The following KREMEN2 variants were observed in gnomAD, a reference collection of about 807,000 sequenced individuals.
KREMEN2 encodes the protein kringle containing transmembrane protein 2.
KREMEN2 carries 43 observed loss-of-function variants against 49.8 expected under a neutral mutation model. The observed-to-expected ratio is 0.86, with a 90% CI of 0.68 to 1.11. The LOEUF is 1.11. Ranked by LOEUF, KREMEN2 falls within the 50% of genes most tolerant of loss-of-function variation. The probability of loss-of-function intolerance (pLI) is 0.00; values close to 1 mark genes in which losing one functional copy is unlikely to be tolerated. For missense variants in KREMEN2, 686 were observed against 665.7 expected (o/e 1.03, Z -0.34); for synonymous variants, 355 against 304.9 (o/e 1.16, Z -1.71).
rs1188886651 is a variant in KREMEN2 at position 2,966,213 on chromosome 16, G to A, written c.343G>A (p.Asp115Asn). The A allele has an allele frequency of 1.9e-6, 3 of 1,613,134 alleles. No homozygotes were observed. The highest frequency in any genetic ancestry group is 1.3e-5 in the African/African-American group (1 of 75,026). Residue 115 changes from aspartate (D) to asparagine (N), a missense_variant, in exon 3 of 9, where the codon GAC becomes AAC. Asp to Asn is a conservative substitution (Grantham distance 23). Transcript: ENST00000303746. The surrounding 1 kb of genome is among the most constrained non-coding windows in gnomAD (Gnocchi z 8.4). ...GGAGGGCATCTACTGGCGCTACTGC[G>A]ACATCCCCTCCTGTCACAGTGAGTA... is the stretch of plus-strand genomic sequence containing the variant. ...TEEGIYWRYC[D>N]IPSCHMPGYL...
chr16:2,964,960 A>ACG lies in KREMEN2; in HGVS notation c.198_199dup (p.Gln67ArgfsTer93). On this transcript the variant is annotated frameshift_variant, in exon 2 of 9. Coordinates refer to ENST00000303746, the MANE Select transcript of KREMEN2 (RefSeq NM_172229.3). LOFTEE classifies it high-confidence loss of function. ...CCGCCCGTGCCTCTTCTGGGACCAG[A>ACG]CGCAGCAACACAGCTACAGCAGCGC... is the stretch of plus-strand genomic sequence containing the variant. 6.3e-7 allele frequency: 1 copy of ACG among 1,586,594 alleles called. No homozygotes were observed. The highest frequency in any genetic ancestry group is 8.6e-7 in the Non-Finnish European group (1 of 1,167,692).
chr16:2,964,568 G>A lies in KREMEN2; in HGVS notation c.48G>A (p.Pro16=). ...GCTTCCTCTTTCTCCTCTTCCTCCCGCTGCTGCAGCCGCGTGGGGCCTCGG... is the reference window on the plus strand; with the variant it reads ...GCTTCCTCTTTCTCCTCTTCCTCCCACTGCTGCAGCCGCGTGGGGCCTCGG... ...LQGFLFLLFL[P]LLQPRGASAG... The change falls in exon 1 of 9, where the codon CCG becomes CCA. Residue 16 remains proline, a synonymous_variant. Coordinates refer to ENST00000303746, the MANE Select transcript of KREMEN2 (RefSeq NM_172229.3). 1 of 1,608,384 alleles carries A rather than the reference G, an allele frequency of 6.2e-7. No individual in the cohort carries two copies. Among genetic ancestry groups the A allele is most frequent in the Non-Finnish European group, 8.5e-7 (1 of 1,177,752 alleles).
At chr16:2,964,727 T>TGCTGCTGCTCC in intron 1 of KREMEN2, 113 bp downstream of exon 1, 1 of 1,387,800 alleles carries the variant, frequency 7.2e-7, no homozygotes, top group Non-Finnish European at 9.8e-7. Flanking sequence ...CCGGAGCAGC[T>TGCTGCTGCTCC]GAGCAGCCCG....
At chr16:2,965,253 T>C (rs2071796103) in intron 2 of KREMEN2, among the ~76,000 whole-genome samples, 1 of 151,964 alleles carries the variant, frequency 6.6e-6, no homozygotes, top group African/African-American at 2.4e-5. Context: ...GAACAATTTC[T>C]GCAGAGCTCC....
In KREMEN2 at chr16:2,966,588, C is replaced by T; in HGVS notation, c.487-54C>T. On this transcript the variant is annotated intron_variant, in intron 4 of 8. Transcript: ENST00000303746. This position sits in a 1 kb window ranked among gnomAD's most constrained non-coding sequence, Gnocchi z 8.4. ...TCCCACCCCGACCCCAGGCCCCCAC[C>T]ACTTCACCCCTACCCCAGCCCCTGC... 1 of 1,575,476 alleles carries T rather than the reference C, an allele frequency of 6.3e-7. No individual in the cohort carries two copies. Among genetic ancestry groups the T allele is most frequent in the Non-Finnish European group, 8.6e-7 (1 of 1,165,116 alleles).
intron 1 of KREMEN2, 119 bp from the exon 2 acceptor site, chr16:2,964,740 G>A (rs1189811902): frequency 1.7e-5 from 24 of 1,399,336 alleles, no homozygotes; most frequent in African/African-American, 2.9e-5. Context: ...GCAGCCCGAG[G>A]GCTCCTGCAG....
At position 2,966,088 on chromosome 16, in the gene KREMEN2, G is replaced by A; in HGVS notation, c.270-52G>A. 6.5e-7 allele frequency: 1 copy of A among 1,538,348 alleles called. No homozygotes were observed. Among genetic ancestry groups the A allele is most frequent in the Non-Finnish European group, 9.0e-7 (1 of 1,114,448 alleles). On this transcript the variant is annotated intron_variant, in intron 2 of 8. Transcript: ENST00000303746. This position sits in a 1 kb window ranked among gnomAD's most constrained non-coding sequence, Gnocchi z 8.4. ...GCATAGGCTGCGGGGCCGGGCCTGG[G>A]TTTGCTATTCTTGGGGTGGTGGGAG...
chr16:2,967,666 G>A (rs1169996431), intron 8 of KREMEN2, 62 bp downstream of exon 8: 7 of 1,541,468 alleles, frequency 4.5e-6, no homozygotes, highest in Non-Finnish European at 6.1e-6. Context: ...AGCCCCAGAA[G>A]GGAACAGAGC....
Position 2,964,522 on chromosome 16 carries a change from T to TG in KREMEN2, c.6dup (p.Thr3_?2). The TG allele has an allele frequency of 6.4e-7, 1 of 1,574,732 alleles. No individual in the cohort carries two copies. Among genetic ancestry groups the TG allele is most frequent in the Non-Finnish European group, 8.6e-7 (1 of 1,164,222 alleles). On this transcript the variant is annotated frameshift_variant and start_lost, in exon 1 of 9. Transcript: ENST00000303746. LOFTEE classifies it high-confidence loss of function. ...GTGACCTATCCTTGGTTGAGAGCGA[T>TG]GGGGACACAAGCCCTGCAGGGCTTC...
chr16:2,964,732 A>AG, intron 1 of KREMEN2, 118 bp downstream of exon 1: 1 of 1,386,932 alleles, frequency 7.2e-7, no homozygotes, highest in Non-Finnish European at 9.8e-7. Flanking sequence ...GCAGCTGAGC[A>AG]GCCCGAGGGC....
rs1430314282 is a variant in KREMEN2 at position 2,968,133 on chromosome 16, C to T, written c.*113C>T. On this transcript the variant is annotated 3_prime_UTR_variant, in exon 9 of 9. Transcript: ENST00000303746. Reference sequence around the variant, plus strand: ...GTGTAGGGGCAGCTCGGCCTCTGGTCGCCTTGGGGAGACCAAAAGTCGGAC... The same window carrying T: ...GTGTAGGGGCAGCTCGGCCTCTGGTTGCCTTGGGGAGACCAAAAGTCGGAC... The T allele has an allele frequency of 1.7e-6, 2 of 1,186,766 alleles. No homozygotes were observed. Among genetic ancestry groups the T allele is most frequent in the African/African-American group, 1.5e-5 (1 of 65,684 alleles). The allele number at this position is 1,186,766 out of a possible 1,614,324, so 73.5% of individuals were successfully genotyped here. A position where few individuals can be genotyped will look rare whatever the true frequency, so the allele number is the denominator to read the frequency against.
In KREMEN2 at chr16:2,967,793, G is replaced by A. The variant is rs1368026003; in HGVS notation, c.1179-17G>A. 11 of 1,549,256 alleles carry A rather than the reference G, an allele frequency of 7.1e-6. No individual in the cohort carries two copies. The East Asian group carries it at 2.4e-4, about 34-fold the overall frequency. ...GCGGGATTGGACCGGCTCGGCTGATGTCTGCTCCCTCTCTAGGAGCTGTCT... is the reference window on the plus strand; with the variant it reads ...GCGGGATTGGACCGGCTCGGCTGATATCTGCTCCCTCTCTAGGAGCTGTCT... On this transcript the variant is annotated splice_polypyrimidine_tract_variant and intron_variant, in intron 8 of 8. Coordinates refer to ENST00000303746, the MANE Select transcript of KREMEN2 (RefSeq NM_172229.3).
Position 2,968,276 on chromosome 16 carries a change from C to A in KREMEN2, c.*256C>A, listed in dbSNP as rs535567775. The A allele has an allele frequency of 5.5e-6, 7 of 1,281,302 alleles. No homozygotes were observed. The African/African-American group carries it at 7.4e-5, about 14-fold the overall frequency. The allele number at this position is 1,281,302 out of a possible 1,614,324, so 79.4% of individuals were successfully genotyped here. On this transcript the variant is annotated 3_prime_UTR_variant, in exon 9 of 9. Transcript: ENST00000303746. The stretch of plus-strand genomic sequence containing the variant: ...TCTCTGGTTTCGGAGGTCTTTGAAC[C>A]CCTCTGGGGGTGGTCCTGGACTGCC...
At position 2,966,080 on chromosome 16, in the gene KREMEN2, G is replaced by C; in HGVS notation, c.270-60G>C. 1 of 1,478,066 alleles carries C rather than the reference G, an allele frequency of 6.8e-7. No homozygotes were observed. Among genetic ancestry groups the C allele is most frequent in the South Asian group, 1.1e-5 (1 of 87,818 alleles). 91.6% of individuals were successfully genotyped at this position (1,478,066 alleles called of 1,614,324 possible). A position where few individuals can be genotyped will look rare whatever the true frequency, so the allele number is the denominator to read the frequency against. On this transcript the variant is annotated intron_variant, in intron 2 of 8. Coordinates refer to ENST00000303746, the MANE Select transcript of KREMEN2 (RefSeq NM_172229.3). The surrounding 1 kb of genome is among the most constrained non-coding windows in gnomAD (Gnocchi z 8.4). ...CACTTTGAGCATAGGCTGCGGGGCCGGGCCTGGGTTTGCTATTCTTGGGGT... is the reference window on the plus strand; with the variant it reads ...CACTTTGAGCATAGGCTGCGGGGCCCGGCCTGGGTTTGCTATTCTTGGGGT...
Position 2,967,029 on chromosome 16 carries a change from G to C in KREMEN2, c.760G>C (p.Ala254Pro). 1 of 1,544,414 alleles carries C rather than the reference G, an allele frequency of 6.5e-7. No homozygotes were observed. The highest frequency in any genetic ancestry group is 1.2e-5 in the South Asian group (1 of 83,822). ...CAGCTGGGCCCTGGGCCCGCCAGGC[G>C]CCGCGCTGGAGCTCACCTTCCGCCT... ...NCSWALGPPG[A>P]ALELTFRLFE... Residue 254 changes from alanine to proline, a missense_variant, in exon 6 of 9, where the codon GCC becomes CCC. Physicochemically the swap from Ala to Pro is conservative, Grantham distance 27 (BLOSUM62 -1). Coordinates refer to ENST00000303746, the MANE Select transcript of KREMEN2 (RefSeq NM_172229.3).
Position 2,967,064 on chromosome 16 carries a change from G to A in KREMEN2, c.795G>A (p.Leu265=). 1 of 1,528,880 alleles carries A rather than the reference G, an allele frequency of 6.5e-7. No individual in the cohort carries two copies. The highest frequency in any genetic ancestry group is 8.8e-7 in the Non-Finnish European group (1 of 1,142,338). The allele number at this position is 1,528,880 out of a possible 1,614,324, so 94.7% of individuals were successfully genotyped here. ...AGCTCACCTTCCGCCTCTTCGAGCTGGCCGACCCGCGCGACCGGCTGGAGC... is the reference window on the plus strand; with the variant it reads ...AGCTCACCTTCCGCCTCTTCGAGCTAGCCGACCCGCGCGACCGGCTGGAGC... ...ALELTFRLFE[L]ADPRDRLELR... Residue 265 remains leucine, a synonymous_variant, in exon 6 of 9, where the codon CTG becomes CTA. Coordinates refer to ENST00000303746, the MANE Select transcript of KREMEN2 (RefSeq NM_172229.3).
rs1286686885 is a variant in KREMEN2, at chr16:2,967,119, C to T, written c.850C>T (p.Arg284Cys). The change falls in exon 6 of 9, where the codon CGC becomes TGC. Residue 284 changes from arginine (R) to cysteine (C), a missense_variant. Arg to Cys is a radical substitution (Grantham distance 180). Transcript: ENST00000303746. ...LRDAASGSLL[R>C]AFDGARPPPS... ...CGACGCGGCTTCGGGCAGCCTGCTC[C>T]GCGCCTTCGATGGCGCCCGCCCACC... is the stretch of plus-strand genomic sequence containing the variant. 10 of 1,433,606 alleles carry T rather than the reference C, an allele frequency of 7.0e-6. No homozygotes were observed. Among genetic ancestry groups the T allele is most frequent in the Non-Finnish European group, 8.2e-6 (9 of 1,102,024 alleles). The allele number at this position is 1,433,606 out of a possible 1,614,324, so 88.8% of individuals were successfully genotyped here. A position where few individuals can be genotyped will look rare whatever the true frequency, so the allele number is the denominator to read the frequency against.
rs2071830416 is a variant in KREMEN2 at position 2,966,791 on chromosome 16, T to C, written c.636T>C (p.Tyr212=). The part of the protein sequence containing the change: ...LCGGDGRLGV[Y]EVSVGSCQGN... Reference sequence around the variant, plus strand: ...GCGGCGATGGGCGGCTGGGCGTCTATGAAGGTGAGGAGTGGGCGGGGACCA... The same window carrying C: ...GCGGCGATGGGCGGCTGGGCGTCTACGAAGGTGAGGAGTGGGCGGGGACCA... The change falls in exon 5 of 9, where the codon TAT becomes TAC. Residue 212 remains tyrosine (Y), a synonymous_variant. Transcript: ENST00000303746. This position sits in a 1 kb window ranked among gnomAD's most constrained non-coding sequence, Gnocchi z 8.4. 7 of 1,602,694 alleles carry C rather than the reference T, an allele frequency of 4.4e-6. No homozygotes were observed. Among genetic ancestry groups the C allele is most frequent in the Non-Finnish European group, 6.0e-6 (7 of 1,172,622 alleles).
chr16:2,966,575 C>T lies in KREMEN2; in HGVS notation c.487-67C>T, dbSNP rs2071823808. ...CCTCCAGCCCGATTCCCACCCCGAC[C>T]CCAGGCCCCCACCACTTCACCCCTA... On this transcript the variant is annotated intron_variant, in intron 4 of 8. Coordinates refer to ENST00000303746, the MANE Select transcript of KREMEN2 (RefSeq NM_172229.3). This position sits in a 1 kb window ranked among gnomAD's most constrained non-coding sequence, Gnocchi z 8.4. The T allele has an allele frequency of 3.8e-6, 6 of 1,560,756 alleles. No individual in the cohort carries two copies. The South Asian group carries it at 5.8e-5, about 15-fold the overall frequency.
Sources: allele counts gnomAD v4.1 joint callset (sites outside exome capture counted in the v4.1 genomes callset), GRCh38; gene constraint gnomAD v4.1.1; non-coding constraint Gnocchi (gnomAD v3.1); transcripts MANE v1.5; gene names NCBI Gene and HGNC (gene_info 2026-07-23, HGNC 2026-07-21).